KCNMA1: variants seen among roughly 807,000 people sequenced by gnomAD.
KCNMA1 encodes potassium calcium-activated channel subfamily M alpha 1, also known as Calcium-activated potassium channel subunit alpha-1.
A neutral mutation model predicts 140.0 loss-of-function variants in KCNMA1; 29 were observed. That is an observed-to-expected ratio of 0.21 (90% CI 0.15 to 0.28). KCNMA1 has a LOEUF of 0.28. Ranked by LOEUF, KCNMA1 falls within the 10% of genes least tolerant of loss-of-function variation. The pLI is 1.00. For synonymous variants in KCNMA1, 612 were observed against 611.9 expected (o/e 1.00, Z 0.00); for missense variants, 880 against 1,602.2 (o/e 0.55, Z 7.70).
chr10:77,417,346 AG>A (rs34864630), intron 1 of KCNMA1, among the ~76,000 whole-genome samples: 71,852 of 152,032 alleles, frequency 0.47, 18,284 homozygotes, highest in East Asian at 0.73. Context: ...TTTGGCATAC[AG>A]CAATGTGCTT....
chr10:76,891,658 G>A lies in KCNMA1; in HGVS notation c.3209C>T (p.Pro1070Leu), dbSNP rs1364516204. Residue 1070 changes from proline (P) to leucine (L), a missense_variant, in exon 26 of 28, where the codon CCG becomes CTG. Transcript: ENST00000286628. The stretch of plus-strand genomic sequence containing the variant: ...CTCAGCAATCAGAGCCTCCAGCTCC[G>A]GCGTGGCTCCTCCGGTCACCAGGGT... The part of the protein sequence containing the change: ...IRTLVTGGAT[P>L]ELEALIAEEN... 3 of 1,614,094 alleles carry A rather than the reference G, an allele frequency of 1.9e-6. No individual in the cohort carries two copies. The highest frequency in any genetic ancestry group is 2.2e-5 in the East Asian group (1 of 44,878).
At chr10:77,127,188 C>G (rs540156345) in intron 5 of KCNMA1, among the ~76,000 whole-genome samples, 14 of 151,466 alleles carry the variant, frequency 9.2e-5, no homozygotes, top group Non-Finnish European at 1.6e-4. Context: ...TGACATTAAT[C>G]TATTATTATT....
chr10:76,916,042 A>C (rs2052729755), intron 23 of KCNMA1, among the ~76,000 whole-genome samples: 1 of 151,506 alleles, frequency 6.6e-6, no homozygotes, highest in African/African-American at 2.4e-5. Flanking sequence ...ACACACACAC[A>C]CACATACACA....
At chr10:77,371,847 A>G (rs1328757520) in intron 2 of KCNMA1, among the ~76,000 whole-genome samples, 3 of 152,130 alleles carry the variant, frequency 2.0e-5, no homozygotes, top group Non-Finnish European at 4.4e-5. Context: ...CCCCTCCTAC[A>G]ATGTCCTCCT....
rs369747944 is a variant in KCNMA1, at chr10:76,886,804, C to A, written c.*462G>T. On this transcript the variant is annotated 3_prime_UTR_variant, in exon 28 of 28. Transcript: ENST00000286628. ...GTTGCTTGTTTCAAATAAACATGTG[C>A]TAACTTATTGTGTGTATAAAAAAAG... 9.6e-7 allele frequency: 1 copy of A among 1,043,610 alleles called. No homozygotes were observed. Among genetic ancestry groups the A allele is most frequent in the East Asian group, 8.2e-5 (1 of 12,174 alleles). 64.6% of individuals were successfully genotyped at this position (1,043,610 alleles called of 1,614,324 possible). A position where few individuals can be genotyped will look rare whatever the true frequency, so the allele number is the denominator to read the frequency against.
intron 5 of KCNMA1, among the ~76,000 whole-genome samples, chr10:77,182,702 C>A (rs768074785): frequency 2.0e-5 from 3 of 152,160 alleles, no homozygotes; most frequent in Non-Finnish European, 2.9e-5. Context: ...CCCTAGTAGA[C>A]CCCATGACAG....
In KCNMA1 at chr10:77,242,902, AC is replaced by A. The variant is rs1565448032; in HGVS notation, c.602+8292del. Among the ~76,000 whole-genome samples the A allele has an allele frequency of 8.6e-3, 1,094 of 127,836 alleles. 5 individuals are homozygous for A. The highest frequency in any genetic ancestry group is 0.037 in the Middle Eastern group (10 of 268). 83.9% of individuals were successfully genotyped at this position (127,836 alleles called of 152,430 possible). On this transcript the variant is annotated intron_variant, in intron 3 of 27. Coordinates refer to ENST00000286628, the MANE Select transcript of KCNMA1 (RefSeq NM_001161352.2). ...TAGGCAGGACATAATTGTTTCCTACACACACACACACACACACACACACACA... is the reference window on the plus strand; with the variant it reads ...TAGGCAGGACATAATTGTTTCCTACAACACACACACACACACACACACACA...
intron 15 of KCNMA1, among the ~76,000 whole-genome samples, chr10:77,032,657 G>C (rs1245965404): frequency 4.6e-5 from 7 of 151,610 alleles, no homozygotes; most frequent in Non-Finnish European, 7.4e-5. Flanking sequence ...ATAATAACAA[G>C]TTAGATTGCT....
chr10:76,943,935 T>C (rs1355498064), intron 23 of KCNMA1, among the ~76,000 whole-genome samples: 1 of 152,180 alleles, frequency 6.6e-6, no homozygotes, highest in Non-Finnish European at 1.5e-5. Flanking sequence ...CCTTCCATCC[T>C]GGACTGATGG....
intron 2 of KCNMA1, among the ~76,000 whole-genome samples, chr10:77,386,296 G>A (rs1079026): frequency 0.18 from 27,168 of 152,196 alleles, 2,568 homozygotes; most frequent in East Asian, 0.33. Context: ...CAAGTACAAC[G>A]AACCATAGTC....
At chr10:77,600,909 TC>T (rs1439999318) in intron 1 of KCNMA1, among the ~76,000 whole-genome samples, 1 of 151,720 alleles carries the variant, frequency 6.6e-6, no homozygotes, top group African/African-American at 2.4e-5. Flanking sequence ...ACTCCACCAC[TC>T]CCCCTCCCAG....
chr10:77,547,460 C>T (rs1315980554), intron 1 of KCNMA1, among the ~76,000 whole-genome samples: 1 of 152,190 alleles, frequency 6.6e-6, no homozygotes, highest in Non-Finnish European at 1.5e-5. Flanking sequence ...GGAGGGAGGG[C>T]ATACAGAGCC....
intron 1 of KCNMA1, among the ~76,000 whole-genome samples, chr10:77,437,538 G>A (rs1350902488): frequency 6.6e-6 from 1 of 152,138 alleles, no homozygotes; most frequent in Admixed American, 6.5e-5. Context: ...TTCATGGATA[G>A]AAAATTCAGA....
At position 77,054,950 on chromosome 10, in the gene KCNMA1, TA is replaced by T. The variant is rs570665032; in HGVS notation, c.1750-15314del. Among the ~76,000 whole-genome samples the T allele has an allele frequency of 3.5e-3, 520 of 149,226 alleles. 3 individuals carry two copies. The highest frequency in any genetic ancestry group is 6.9e-3 in the Middle Eastern group (2 of 288). On this transcript the variant is annotated intron_variant, in intron 14 of 27. Coordinates refer to ENST00000286628, the MANE Select transcript of KCNMA1 (RefSeq NM_001161352.2). ...AATTATAGTATTCATAGGCTCTGAT[TA>T]AAAAAAAAATAGGTGAACTACCTGA...
chr10:77,013,974 AATTTTT>A (rs2091447276), intron 17 of KCNMA1, among the ~76,000 whole-genome samples: 1 of 152,212 alleles, frequency 6.6e-6, no homozygotes, highest in Non-Finnish European at 1.5e-5. Context: ...TTTTTAATTT[AATTTTT>A]ATTTTTAATT....
chr10:77,117,539 C>CAAAAAAAAAAAAAAAAAAAAAAAAA (rs56926398), intron 6 of KCNMA1, among the ~76,000 whole-genome samples: 16 of 22,504 alleles, frequency 7.1e-4, no homozygotes, highest in Middle Eastern at 0.1. Context: ...GAGTCTATCT[C>CAAAAAAAAAAAAAAAAAAAAAAAAA]AAAAAAAAAA....
intron 2 of KCNMA1, among the ~76,000 whole-genome samples, chr10:77,289,184 C>T (rs902126605): frequency 6.6e-6 from 1 of 152,188 alleles, no homozygotes; most frequent in Non-Finnish European, 1.5e-5. Flanking sequence ...TAATTAGCTC[C>T]TTGGCAGGCA....
At position 76,970,008 on chromosome 10, in the gene KCNMA1, G is replaced by T. The variant is rs757255349; in HGVS notation, c.2326C>A (p.Arg776=). The stretch of plus-strand genomic sequence containing the variant: ...TTAGGCGAGGTGTTGGGTGAGTTCC[G>T]CATGCCTCCATTCCGTTGCTTTTTT... ...PKKKQRNGGM[R]NSPNTSPKLM... is the part of the protein sequence containing the mutation. The change falls in exon 20 of 28, where the codon CGG becomes AGG. Residue 776 remains arginine (R), a synonymous_variant. Transcript: ENST00000286628. 1 of 1,613,802 alleles carries T rather than the reference G, an allele frequency of 6.2e-7. No individual in the cohort carries two copies. Among genetic ancestry groups the T allele is most frequent in the African/African-American group, 1.3e-5 (1 of 74,872 alleles).
At chr10:77,038,698 C>T (rs542278576) in intron 15 of KCNMA1, among the ~76,000 whole-genome samples, 1 of 152,274 alleles carries the variant, frequency 6.6e-6, no homozygotes, top group South Asian at 2.1e-4. Context: ...TGCCACCACA[C>T]TCGGCTAATT....
Sources: gnomAD v4.1 joint callset for allele counts (sites outside exome capture counted in the v4.1 genomes callset) on GRCh38, gnomAD v4.1.1 for gene constraint, MANE v1.5 for transcripts, NCBI Gene and HGNC (gene_info 2026-07-23, HGNC 2026-07-21) for gene names.